C5: variants seen among roughly 807,000 people sequenced by gnomAD.
The protein encoded by C5 is C3 and PZP-like alpha-2-macroglobulin domain-containing protein 4.
A neutral mutation model predicts 218.8 loss-of-function variants in C5; 140 were observed. That is an observed-to-expected ratio of 0.64 (90% CI 0.56 to 0.74). C5 has a LOEUF of 0.74. Ranked by LOEUF, C5 falls within the 30% of genes least tolerant of loss-of-function variation. C5 has a pLI of 0.00. For missense variants in C5, 1,700 were observed against 1,969.6 expected (o/e 0.86, Z 2.59); for synonymous variants, 614 against 682.3 (o/e 0.90, Z 1.56).
At chr9:120,966,071 G>T (rs1011737717) in intron 33 of C5, among the ~76,000 whole-genome samples, 8 of 152,172 alleles carry the variant, frequency 5.3e-5, no homozygotes, top group African/African-American at 1.9e-4. Flanking sequence ...TTTTAATCAG[G>T]AGAGAGAATA....
chr9:120,986,816 A>G (rs2047036568), intron 25 of C5, among the ~76,000 whole-genome samples: 1 of 152,102 alleles, frequency 6.6e-6, no homozygotes, highest in African/African-American at 2.4e-5. Context: ...TATGTTACCC[A>G]GTCTGGTCTG....
intron 2 of C5, 136 bp downstream of exon 2, chr9:121,046,055 G>C: frequency 4.5e-6 from 2 of 448,508 alleles, no homozygotes; most frequent in Non-Finnish European, 7.9e-6. Flanking sequence ...TATCATTAGT[G>C]ACTGACATCA....
the C5 span, among the ~76,000 whole-genome samples, chr9:121,061,049 G>A: frequency 6.6e-6 from 1 of 152,144 alleles, no homozygotes; most frequent in East Asian, 1.9e-4. Context: ...TTAGCTGGGT[G>A]TGGTGGTGGG....
chr9:121,007,877 C>T (rs943512571), intron 18 of C5, among the ~76,000 whole-genome samples: 9 of 152,074 alleles, frequency 5.9e-5, no homozygotes, highest in East Asian at 5.8e-4. Context: ...TAAGGAGATG[C>T]GTGAGGAGAC....
At chr9:121,056,592 G>T in the C5 span, among the ~76,000 whole-genome samples, 2 of 152,044 alleles carry the variant, frequency 1.3e-5, no homozygotes, top group Admixed American at 6.5e-5. Flanking sequence ...ACTGAAAAAT[G>T]CACTGGAGTC....
chr9:121,016,624 G>A (rs1277987473), intron 14 of C5, among the ~76,000 whole-genome samples: 1 of 152,086 alleles, frequency 6.6e-6, no homozygotes, highest in Non-Finnish European at 1.5e-5. Flanking sequence ...GCTTTGATGA[G>A]GAGTTTCTTA....
rs1373903463 is a variant in C5, at chr9:121,023,397, A to G, written c.1116+7T>C. 2.6e-6 allele frequency: 4 copies of G among 1,544,538 alleles called. No individual in the cohort carries two copies. The highest frequency in any genetic ancestry group is 3.6e-6 in the Non-Finnish European group (4 of 1,116,642). ...TGTAGCAACGTCTACCCCCTCACCC[A>G]ATCTACCTTGATGGGATATGGAATC... is the stretch of plus-strand genomic sequence containing the variant. On this transcript the variant is annotated splice_region_variant and intron_variant, in intron 10 of 40. Coordinates refer to ENST00000223642, the MANE Select transcript of C5 (RefSeq NM_001735.3).
chr9:121,025,244 G>A lies in C5; in HGVS notation c.1000+210C>T, dbSNP rs41308946. ...AAGTGGAGGTAATAGGGACCCAATG[G>A]CTTGTCCAATGACTAAAAAGAAGCA... On this transcript the variant is annotated intron_variant, in intron 9 of 40. Coordinates refer to ENST00000223642, the MANE Select transcript of C5 (RefSeq NM_001735.3). Among the ~76,000 whole-genome samples the A allele has an allele frequency of 8.2e-3, 1,253 of 152,178 alleles. 13 individuals carry two copies. The highest frequency in any genetic ancestry group is 0.028 in the African/African-American group (1,181 of 41,518).
At chr9:121,071,267 C>G in the C5 span, among the ~76,000 whole-genome samples, 2 of 152,028 alleles carry the variant, frequency 1.3e-5, no homozygotes, top group Admixed American at 6.5e-5. Flanking sequence ...TTGCAGTGAG[C>G]CATGATCGTG....
intron 39 of C5, among the ~76,000 whole-genome samples, chr9:120,954,780 A>G (rs558609186): frequency 6.6e-6 from 1 of 152,344 alleles, no homozygotes; most frequent in African/African-American, 2.4e-5. Flanking sequence ...GAAACTGTGT[A>G]AATGGTAAAC....
At chr9:121,002,226 A>G (rs28481649) in intron 20 of C5, among the ~76,000 whole-genome samples, 102 of 55,770 alleles carry the variant, frequency 1.8e-3, no homozygotes, top group Middle Eastern at 0.012. Context: ...GTATATATAT[A>G]TATGTATATA....
intron 1 of C5, among the ~76,000 whole-genome samples, chr9:121,047,824 G>C (rs550329296): frequency 2.0e-4 from 31 of 152,226 alleles, no homozygotes; most frequent in Admixed American, 1.4e-3. Context: ...CACATGCCTA[G>C]TAGGAGATGG....
chr9:120,994,887 T>G (rs2047104719), intron 22 of C5, among the ~76,000 whole-genome samples: 1 of 150,768 alleles, frequency 6.6e-6, no homozygotes, highest in South Asian at 2.1e-4. Context: ...TGGAAAATTG[T>G]TTGCAATAAT....
In C5 at chr9:120,976,699, C is replaced by T; in HGVS notation, c.3864+1G>A. ...GATGAAACAAGACAAAGAAATGTTA[C>T]CTGGGTTGAATAAAAGCCACCTCCA... On this transcript the variant is annotated splice_donor_variant, in intron 29 of 40. Transcript: ENST00000223642. LOFTEE classifies it high-confidence loss of function. 1 of 1,612,384 alleles carries T rather than the reference C, an allele frequency of 6.2e-7. No individual in the cohort carries two copies.
intron 17 of C5, among the ~76,000 whole-genome samples, chr9:121,010,845 T>G (rs1363602860): frequency 3.3e-5 from 5 of 152,194 alleles, no homozygotes; most frequent in Admixed American, 3.3e-4. Flanking sequence ...TGAACGCATT[T>G]TTGACAAAGG....
chr9:121,015,086 T>C (rs893397390), intron 16 of C5, 113 bp downstream of exon 16: 1 of 728,848 alleles, frequency 1.4e-6, no homozygotes, highest in South Asian at 1.6e-5. Context: ...CATACATATC[T>C]TTCTTTTCAT....
At chr9:120,973,921 C>T (rs527255935) in intron 30 of C5, among the ~76,000 whole-genome samples, 2 of 151,828 alleles carry the variant, frequency 1.3e-5, no homozygotes, top group Admixed American at 6.6e-5. Context: ...TGCAGTGAGC[C>T]GAGGTTGCGC....
chr9:121,029,776 A>G (rs1564159358), intron 7 of C5, among the ~76,000 whole-genome samples: 1 of 152,176 alleles, frequency 6.6e-6, no homozygotes, highest in African/African-American at 2.4e-5. Flanking sequence ...GCTCAGGGGG[A>G]CTTTCATGCT....
At chr9:120,994,594 A>C (rs535538292) in intron 22 of C5, among the ~76,000 whole-genome samples, 4 of 54,714 alleles carry the variant, frequency 7.3e-5, no homozygotes, top group East Asian at 9.8e-4. Flanking sequence ...CCACCCCACA[A>C]AAAAAAAATA....
Sources: allele counts gnomAD v4.1 joint callset (sites outside exome capture counted in the v4.1 genomes callset), GRCh38; gene constraint gnomAD v4.1.1; transcripts MANE v1.5; gene names NCBI Gene and HGNC (gene_info 2026-07-23, HGNC 2026-07-21).